The following CENPE variants were observed in gnomAD, a reference collection of about 807,000 sequenced individuals.
CENPE encodes centromere protein E.
In CENPE, 145 loss-of-function variants were observed where a neutral mutation model predicts 336.1. The observed-to-expected ratio is 0.43, with a 90% CI of 0.38 to 0.50. The LOEUF (loss-of-function observed/expected upper bound fraction) is 0.50, where lower values mean the gene tolerates loss of function less well. Ranked by LOEUF, CENPE falls within the 20% of genes least tolerant of loss-of-function variation. CENPE has a pLI of 0.00. For missense variants in CENPE, 2,719 were observed against 3,023.3 expected, an observed-to-expected ratio of 0.90 and a Z score of 2.36; for synonymous variants, 1,013 against 984.8, an observed-to-expected ratio of 1.03 and a Z score of -0.54.
chr4:103,108,586 G>C (rs1749105556), intron 48 of CENPE, among the ~76,000 whole-genome samples: 1 of 146,422 alleles, frequency 6.8e-6, no homozygotes, highest in Non-Finnish European at 1.5e-5. Flanking sequence ...TTAAAGGGTA[G>C]ACTAAAGACT....
Position 103,109,040 on chromosome 4 carries a change from G to C in CENPE, c.7774C>G (p.Leu2592Val), listed in dbSNP as rs747403961. The change falls in exon 48 of 49, where the codon CTT becomes GTT. Residue 2592 changes from leucine (L) to valine (V), a missense_variant. Leu to Val is a conservative substitution (Grantham distance 32). Coordinates refer to ENST00000265148, the MANE Select transcript of CENPE (RefSeq NM_001813.3). ...ACTTGTTTGTGAGCCTCTCTTTTAA[G>C]GGTTCTTTCCTTCCAAGTTTTGACC... Reference protein sequence around the residue: ...NEVKTWKERTLKREAHKQVTC... With the variant: ...NEVKTWKERTVKREAHKQVTC... 9.9e-6 allele frequency: 16 copies of C among 1,613,282 alleles called. No individual in the cohort carries two copies. The highest frequency in any genetic ancestry group is 1.3e-5 in the African/African-American group (1 of 74,800).
intron 42 of CENPE, among the ~76,000 whole-genome samples, chr4:103,128,814 G>A (rs1273705559): frequency 1.3e-5 from 2 of 151,950 alleles, no homozygotes; most frequent in African/African-American, 4.8e-5. Context: ...TTTAACCTTA[G>A]GAAACTAAAA....
At chr4:103,111,178 C>T (rs1031575367) in intron 46 of CENPE, among the ~76,000 whole-genome samples, 167 bp from the exon 47 acceptor site, 5 of 152,326 alleles carry the variant, frequency 3.3e-5, no homozygotes, top group East Asian at 1.9e-4. Context: ...ACTCCCTCTG[C>T]TTATTTGACC....
intron 16 of CENPE, among the ~76,000 whole-genome samples, chr4:103,166,367 T>C (rs551839720): frequency 2.0e-5 from 3 of 152,310 alleles, no homozygotes; most frequent in African/African-American, 7.2e-5. Context: ...GACCATGTTC[T>C]TAATCATGAC....
chr4:103,183,189 G>T lies in CENPE; in HGVS notation c.833+12C>A. On this transcript the variant is annotated intron_variant, in intron 10 of 48. Coordinates refer to ENST00000265148, the MANE Select transcript of CENPE (RefSeq NM_001813.3). ...AGAATCAGTAGGTAAGTGCACAACGGGATAAACTTACCCAACTTGTCCATC... is the reference window on the plus strand; with the variant it reads ...AGAATCAGTAGGTAAGTGCACAACGTGATAAACTTACCCAACTTGTCCATC... 2 of 1,597,446 alleles carry T rather than the reference G, an allele frequency of 1.3e-6. No homozygotes were observed. Among genetic ancestry groups the T allele is most frequent in the Non-Finnish European group, 1.7e-6 (2 of 1,166,244 alleles).
chr4:103,151,487 C>T, intron 25 of CENPE, 110 bp from the exon 26 acceptor site: 1 of 798,916 alleles, frequency 1.3e-6, no homozygotes, highest in Non-Finnish European at 1.8e-6. Context: ...TCAGGGAAAA[C>T]TATATAGGAA....
intron 25 of CENPE, among the ~76,000 whole-genome samples, chr4:103,152,731 A>T (rs147313070): frequency 5.2e-4 from 79 of 152,346 alleles, no homozygotes; most frequent in Middle Eastern, 3.4e-3. Flanking sequence ...TACATACTGT[A>T]TGATTCTATT....
chr4:103,113,522 T>TA, intron 46 of CENPE, among the ~76,000 whole-genome samples: 1 of 140,076 alleles, frequency 7.1e-6, no homozygotes, highest in African/African-American at 2.7e-5. Context: ...ATAATATATA[T>TA]TATATATAAT....
chr4:103,195,839 A>T, intron 4 of CENPE, 81 bp downstream of exon 4: 1 of 846,424 alleles, frequency 1.2e-6, no homozygotes, highest in Non-Finnish European at 2.0e-6. Flanking sequence ...TTTCATCTTT[A>T]CAAGAGAAAT....
Position 103,108,937 on chromosome 4 carries a change from C to G in CENPE, c.7877G>C (p.Cys2626Ser), listed in dbSNP as rs138843422. 6.8e-6 allele frequency: 11 copies of G among 1,613,720 alleles called. No individual in the cohort carries two copies. The African/African-American group carries it at 1.3e-4, about 20-fold the overall frequency. ...SKKKQITPSQ[C>S]KERNLQDPVP... is the part of the protein sequence containing the mutation. ...AGGATCTTGTAAATTCCGTTCCTTG[C>G]ATTGAGAGGGTGTAATTTGTTTCTT... is the stretch of plus-strand genomic sequence containing the variant. The change falls in exon 48 of 49, where the codon TGC becomes TCC. Residue 2626 changes from cysteine to serine, a missense_variant. By Grantham distance (112) the Cys-to-Ser change is moderately radical. Coordinates refer to ENST00000265148, the MANE Select transcript of CENPE (RefSeq NM_001813.3).
At chr4:103,188,306 C>G (rs1756985282) in intron 8 of CENPE, among the ~76,000 whole-genome samples, 1 of 152,208 alleles carries the variant, frequency 6.6e-6, no homozygotes, top group Non-Finnish European at 1.5e-5. Flanking sequence ...TAATAGACAT[C>G]TATAGAACTC....
chr4:103,163,608 C>CAAAAAAAAAAAAAAAAAGAAAAA (rs1754655425), intron 16 of CENPE, 55 bp from the exon 17 acceptor site: 3 of 280,022 alleles, frequency 1.1e-5, no homozygotes, highest in South Asian at 2.0e-4. Context: ...TAAAGCAAAG[C>CAAAAAAAAAAAAAAAAAGAAAAA]AAAAAAAAAA....
At chr4:103,112,780 GTGTATATATATACTTATAAGTATA>G (rs1749622205) in intron 46 of CENPE, among the ~76,000 whole-genome samples, 1 of 77,852 alleles carries the variant, frequency 1.3e-5, no homozygotes, top group Non-Finnish European at 2.3e-5. Context: ...AAGTATATAA[GTGTATATATATACTTATAAGTATA>G]TAAGTGTATA....
At chr4:103,187,082 T>C (rs559297806) in intron 8 of CENPE, among the ~76,000 whole-genome samples, 6 of 152,314 alleles carry the variant, frequency 3.9e-5, no homozygotes, top group African/African-American at 9.6e-5. Context: ...TGAGAAGCCA[T>C]TGCAGGGCTT....
rs1457233512 is a variant in CENPE, at chr4:103,140,912, A to G, written c.5656T>C (p.Ser1886Pro). Residue 1886 changes from serine (S) to proline (P), a missense_variant, in exon 36 of 49, where the codon TCT (serine) becomes CCT (proline). By Grantham distance (74) the Ser-to-Pro change is moderately conservative (BLOSUM62 -1). Coordinates refer to ENST00000265148, the MANE Select transcript of CENPE (RefSeq NM_001813.3). Reference protein sequence around the residue: ...KLHENLEEMKSVMKERDNLRR... With the variant: ...KLHENLEEMKPVMKERDNLRR... Reference sequence around the variant, plus strand: ...AGATTATCTCTTTCTTTCATTACAGATTTCATTTCTTCAAGGTTTTCATGA... The same window carrying G: ...AGATTATCTCTTTCTTTCATTACAGGTTTCATTTCTTCAAGGTTTTCATGA... The G allele has an allele frequency of 1.9e-6, 3 of 1,612,296 alleles. No individual in the cohort carries two copies. Among genetic ancestry groups the G allele is most frequent in the Non-Finnish European group, 2.5e-6 (3 of 1,178,820 alleles).
intron 42 of CENPE, among the ~76,000 whole-genome samples, chr4:103,123,534 A>G (rs949250432): frequency 6.6e-6 from 1 of 152,066 alleles, no homozygotes; most frequent in African/African-American, 2.4e-5. Context: ...ACTTAATAAG[A>G]AAAAAAATCA....
rs570672074 is a variant in CENPE at position 103,142,269 on chromosome 4, A to G, written c.5305-361T>C. On this transcript the variant is annotated intron_variant, in intron 34 of 48. Coordinates refer to ENST00000265148, the MANE Select transcript of CENPE (RefSeq NM_001813.3). ...ACGTTGTGTTTGTATATACACACAC[A>G]CTCCTTTAACAGTATATATGTAGGC... is the stretch of plus-strand genomic sequence containing the variant. 5.4e-4 allele frequency among the ~76,000 whole-genome samples: 83 copies of G among 152,308 alleles called. 1 individual carries two copies. Among genetic ancestry groups the G allele is most frequent in the South Asian group, 8.3e-4 (4 of 4,834 alleles).
chr4:103,185,357 G>A (rs572618576), intron 9 of CENPE, among the ~76,000 whole-genome samples: 1 of 148,306 alleles, frequency 6.7e-6, no homozygotes, highest in East Asian at 2.0e-4. Context: ...ACAAATCTTT[G>A]TTGAGTTTCT....
intron 16 of CENPE, among the ~76,000 whole-genome samples, chr4:103,168,658 C>G (rs1018802434): frequency 6.6e-6 from 1 of 152,154 alleles, no homozygotes; most frequent in Non-Finnish European, 1.5e-5. Flanking sequence ...TATCCAAGTC[C>G]CTGTGGCAGG....
Sources: allele counts gnomAD v4.1 joint callset (sites outside exome capture counted in the v4.1 genomes callset), GRCh38; gene constraint gnomAD v4.1.1; transcripts MANE v1.5; gene names NCBI Gene and HGNC (gene_info 2026-07-23, HGNC 2026-07-21).